Variants in ADGRL3 observed in about 807,000 individuals in gnomAD.
The protein encoded by ADGRL3 is calcium-independent alpha-latrotoxin receptor 3.
In ADGRL3, 62 loss-of-function variants were observed where a neutral mutation model predicts 153.5. The ratio of observed to expected loss-of-function variants is 0.40; its 90% CI spans 0.33 to 0.50. The LOEUF (loss-of-function observed/expected upper bound fraction) is 0.50, where lower values mean the gene tolerates loss of function less well. ADGRL3 is among the 20% of genes least tolerant of loss of function. ADGRL3 has a pLI of 0.47. For missense variants in ADGRL3, 1,641 were observed against 1,859.4 expected, an observed-to-expected ratio of 0.88 and a Z score of 2.16; for synonymous variants, 710 against 672.5, an observed-to-expected ratio of 1.06 and a Z score of -0.86.
At chr4:61,822,542 G>C (rs1277395217) in intron 9 of ADGRL3, among the ~76,000 whole-genome samples, 1 of 152,072 alleles carries the variant, frequency 6.6e-6, no homozygotes, top group Non-Finnish European at 1.5e-5. Flanking sequence ...AAATGTATTT[G>C]TTATTCAATA....
At chr4:61,597,177 G>A (rs2098992507) in intron 5 of ADGRL3, among the ~76,000 whole-genome samples, 1 of 152,016 alleles carries the variant, frequency 6.6e-6, no homozygotes, top group Non-Finnish European at 1.5e-5. Context: ...AACATTTGGA[G>A]CTGTTTCTTG....
chr4:61,747,430 T>G (rs566155185), intron 8 of ADGRL3, among the ~76,000 whole-genome samples: 18 of 151,478 alleles, frequency 1.2e-4, no homozygotes, highest in Non-Finnish European at 2.4e-4. Flanking sequence ...ACCAATATCT[T>G]TGATGAACAT....
intron 3 of ADGRL3, among the ~76,000 whole-genome samples, chr4:61,514,190 C>T (rs1302324436): frequency 6.6e-6 from 1 of 152,144 alleles, no homozygotes; most frequent in African/African-American, 2.4e-5. Flanking sequence ...TACCACCTTC[C>T]TTGACCTAAG....
chr4:61,867,505 AATATATATGCATATATATATATAT>A (rs1166120745), intron 9 of ADGRL3, among the ~76,000 whole-genome samples: 1 of 35,678 alleles, frequency 2.8e-5, no homozygotes, highest in Non-Finnish European at 6.6e-5. Flanking sequence ...GTCTCAAAAA[AATATATATGCATATATATATATAT>A]ATATATATAT....
At chr4:61,301,144 T>G (rs2094570675) in intron 1 of ADGRL3, among the ~76,000 whole-genome samples, 1 of 152,192 alleles carries the variant, frequency 6.6e-6, no homozygotes, top group South Asian at 2.1e-4. Context: ...CAGATTATGG[T>G]CTCTGTTCTA....
intron 2 of ADGRL3, among the ~76,000 whole-genome samples, chr4:61,413,766 A>G (rs375214152): frequency 8.5e-4 from 129 of 152,236 alleles, no homozygotes; most frequent in African/African-American, 2.9e-3. Context: ...CAACAAACAA[A>G]CAAACAAACA....
At position 62,040,219 on chromosome 4, in the gene ADGRL3, C is replaced by T. The variant is rs949914955; in HGVS notation, c.3717+2363C>T. Reference sequence around the variant, plus strand: ...GAATAAATAGTGGGTGCTCAATAAACGGTGGTTGCTACCATTTATTACTGT... The same window carrying T: ...GAATAAATAGTGGGTGCTCAATAAATGGTGGTTGCTACCATTTATTACTGT... On this transcript the variant is annotated intron_variant, in intron 24 of 26. Coordinates refer to ENST00000683033, the MANE Select transcript of ADGRL3 (RefSeq NM_001387552.1). 8.5e-5 allele frequency among the ~76,000 whole-genome samples: 13 copies of T among 152,088 alleles called. No homozygotes were observed. In the South Asian group the frequency reaches 1.9e-3, roughly 22 times the overall value.
intron 8 of ADGRL3, 41 bp from the exon 9 acceptor site, chr4:61,813,768 T>C (rs1262973360): frequency 3.1e-6 from 5 of 1,603,616 alleles, no homozygotes; most frequent in Non-Finnish European, 4.3e-6. Flanking sequence ...GGAAAAGACA[T>C]ACGTATGATG....
At chr4:61,292,849 A>G (rs1054264527) in intron 1 of ADGRL3, among the ~76,000 whole-genome samples, 4 of 152,190 alleles carry the variant, frequency 2.6e-5, no homozygotes, top group Non-Finnish European at 4.4e-5. Flanking sequence ...GAAGGCAAAT[A>G]GAACCTTCTT....
chr4:61,580,321 T>C (rs974759520), intron 4 of ADGRL3, among the ~76,000 whole-genome samples: 16 of 152,074 alleles, frequency 1.1e-4, no homozygotes, highest in Admixed American at 3.3e-4. Flanking sequence ...AAATCGTTTT[T>C]AGCACCTATT....
At chr4:61,379,190 A>T (rs1054160539) in intron 1 of ADGRL3, among the ~76,000 whole-genome samples, 1 of 151,960 alleles carries the variant, frequency 6.6e-6, no homozygotes, top group Non-Finnish European at 1.5e-5. Flanking sequence ...TGAGACCTGA[A>T]GGGGGTAGTT....
chr4:61,607,325 G>C (rs960074175), intron 5 of ADGRL3, among the ~76,000 whole-genome samples: 1 of 152,112 alleles, frequency 6.6e-6, no homozygotes, highest in South Asian at 2.1e-4. Flanking sequence ...CTGGCCAGGC[G>C]CAGTGGCTCA....
chr4:61,934,661 G>A (rs1423313764), intron 13 of ADGRL3, among the ~76,000 whole-genome samples, 179 bp from the exon 14 acceptor site: 2 of 152,152 alleles, frequency 1.3e-5, no homozygotes, highest in Non-Finnish European at 2.9e-5. Context: ...CTCAGCTAGG[G>A]TTTTACAGAA....
At chr4:61,915,939 G>A (rs551501959) in intron 13 of ADGRL3, among the ~76,000 whole-genome samples, 1 of 151,976 alleles carries the variant, frequency 6.6e-6, no homozygotes, top group East Asian at 1.9e-4. Flanking sequence ...CTTTTCATAA[G>A]CGCAAGCAAT....
At chr4:61,366,639 T>C (rs2096403219) in intron 1 of ADGRL3, among the ~76,000 whole-genome samples, 1 of 152,162 alleles carries the variant, frequency 6.6e-6, no homozygotes, top group Non-Finnish European at 1.5e-5. Flanking sequence ...GAGACAGATA[T>C]TTTATTTTTA....
intron 1 of ADGRL3, among the ~76,000 whole-genome samples, chr4:61,267,227 G>A (rs2092903400): frequency 2.6e-5 from 4 of 151,674 alleles, no homozygotes; most frequent in Admixed American, 6.6e-5. Context: ...TTGCCAGAAT[G>A]TGATATTTAT....
chr4:61,859,047 G>T (rs2098311915), intron 9 of ADGRL3, among the ~76,000 whole-genome samples: 1 of 152,132 alleles, frequency 6.6e-6, no homozygotes, highest in Admixed American at 6.6e-5. Context: ...CTATAGTATT[G>T]TTTAATACAT....
intron 8 of ADGRL3, 82 bp downstream of exon 8, chr4:61,733,636 C>CT: frequency 9.4e-7 from 1 of 1,062,718 alleles, no homozygotes; most frequent in East Asian, 2.6e-5. Flanking sequence ...TTTTATTAAA[C>CT]TTTATTTGTG....
intron 1 of ADGRL3, among the ~76,000 whole-genome samples, chr4:61,373,056 C>T (rs548607109): frequency 9.8e-5 from 15 of 152,294 alleles, no homozygotes; most frequent in African/African-American, 2.4e-4. Context: ...TTGTGCTTCC[C>T]GAGTGAGGCA....
Sources: gnomAD v4.1 joint callset for allele counts (sites outside exome capture counted in the v4.1 genomes callset) on GRCh38, gnomAD v4.1.1 for gene constraint, MANE v1.5 for transcripts, NCBI Gene and HGNC (gene_info 2026-07-23, HGNC 2026-07-21) for gene names.